Variants in MTMR3 observed in about 807,000 individuals in gnomAD.
The protein encoded by MTMR3 is phosphatidylinositol-3,5-bisphosphate 3-phosphatase MTMR3.
Under a neutral mutation model 132.4 loss-of-function variants are expected in MTMR3, and 32 were observed. The ratio of observed to expected loss-of-function variants is 0.24; its 90% CI spans 0.18 to 0.32. The LOEUF (loss-of-function observed/expected upper bound fraction) is 0.32, where lower values mean the gene tolerates loss of function less well. Among genes scored for constraint, MTMR3 ranks in the 10% least tolerant of loss-of-function variants. MTMR3 has a pLI of 1.00. For missense variants in MTMR3, 1,216 were observed against 1,489.6 expected (o/e 0.82, Z 3.02); for synonymous variants, 556 against 550.3 (o/e 1.01, Z -0.14).
intron 1 of MTMR3, among the ~76,000 whole-genome samples, chr22:29,885,821 T>C (rs1324201724): frequency 6.6e-6 from 1 of 152,236 alleles, no homozygotes; most frequent in Admixed American, 6.5e-5. Context: ...GTTCACACCT[T>C]CTTCAGTAAA....
chr22:29,957,419 T>G (rs1300034243), intron 2 of MTMR3, among the ~76,000 whole-genome samples: 5 of 10,706 alleles, frequency 4.7e-4, no homozygotes, highest in Admixed American at 8.1e-4. Context: ...CCAGTTGTAT[T>G]TATTTATTTA....
At chr22:29,959,598 C>T (rs755531129) in intron 2 of MTMR3, among the ~76,000 whole-genome samples, 11 of 151,884 alleles carry the variant, frequency 7.2e-5, no homozygotes, top group Middle Eastern at 3.2e-3. Context: ...AGGCTGGTCT[C>T]GAACTCCTGA....
intron 1 of MTMR3, among the ~76,000 whole-genome samples, chr22:29,953,077 A>T (rs150781534): frequency 6.6e-6 from 1 of 152,166 alleles, no homozygotes; most frequent in Non-Finnish European, 1.5e-5. Context: ...ATGCATGTGT[A>T]AAAAAATCTA....
chr22:29,967,194 TGTG>T (rs1349491957), intron 2 of MTMR3, among the ~76,000 whole-genome samples: 3 of 1,838 alleles, frequency 1.6e-3, no homozygotes, highest in Admixed American at 8.8e-3. Context: ...TCACCTCTGT[TGTG>T]TGTGTGTGTG....
At chr22:29,929,003 G>C (rs1041827903) in intron 1 of MTMR3, among the ~76,000 whole-genome samples, 30 of 152,042 alleles carry the variant, frequency 2.0e-4, no homozygotes, top group African/African-American at 7.2e-4. Flanking sequence ...CTTTTGGCTG[G>C]GCATGGTGGC....
At chr22:29,933,060 C>T (rs746757516) in intron 1 of MTMR3, among the ~76,000 whole-genome samples, 3 of 152,158 alleles carry the variant, frequency 2.0e-5, no homozygotes, top group African/African-American at 4.8e-5. Context: ...CCTCTGCCTC[C>T]TGGGTTCAAG....
intron 1 of MTMR3, among the ~76,000 whole-genome samples, chr22:29,908,291 T>A (rs541143317): frequency 6.6e-6 from 1 of 152,352 alleles, no homozygotes; most frequent in East Asian, 1.9e-4. Flanking sequence ...ATACATAGTT[T>A]AGTAGTAAGC....
chr22:29,903,187 T>G lies in MTMR3; in HGVS notation c.-138+19828T>G, dbSNP rs529703005. 7.9e-5 allele frequency among the ~76,000 whole-genome samples: 12 copies of G among 152,226 alleles called. No individual in the cohort carries two copies. The East Asian group carries it at 2.1e-3, about 27-fold the overall frequency. The stretch of plus-strand genomic sequence containing the variant: ...CTGTAGTGAGCCAAGATTGTGCCAG[T>G]CCACTCCAGCTTGGGTGACAGAATG... On this transcript the variant is annotated intron_variant, in intron 1 of 19. Transcript: ENST00000401950.
intron 1 of MTMR3, among the ~76,000 whole-genome samples, chr22:29,913,239 C>T (rs184155424): frequency 6.6e-6 from 1 of 152,214 alleles, no homozygotes; most frequent in African/African-American, 2.4e-5. Context: ...CAGCGAGACT[C>T]CCATCTCAAA....
At chr22:29,972,743 G>A (rs1426336459) in intron 3 of MTMR3, among the ~76,000 whole-genome samples, 1 of 152,112 alleles carries the variant, frequency 6.6e-6, no homozygotes, top group East Asian at 1.9e-4. Context: ...GCTAATTTTT[G>A]TATTTTCAGT....
At chr22:30,006,737 T>C (rs1219797055) in intron 9 of MTMR3, 1 of 180,966 alleles carries the variant, frequency 5.5e-6, no homozygotes, top group African/African-American at 2.4e-5. Flanking sequence ...TGTAAAAACT[T>C]TTTTGTAAAG....
intron 2 of MTMR3, among the ~76,000 whole-genome samples, chr22:29,968,094 C>T (rs1230115446): frequency 6.6e-6 from 1 of 152,120 alleles, no homozygotes; most frequent in South Asian, 2.1e-4. Flanking sequence ...TGTCAGTTCT[C>T]TTAGGTATAT....
At chr22:29,954,046 C>T (rs376360997) in intron 1 of MTMR3, among the ~76,000 whole-genome samples, 24 of 91,342 alleles carry the variant, frequency 2.6e-4, no homozygotes, top group Admixed American at 5.3e-4. Flanking sequence ...CTTTTTTTTT[C>T]TTTCAAATGA....
intron 9 of MTMR3, chr22:30,004,271 TCAGCTCAG>T (rs2067231634): frequency 6.6e-6 from 1 of 152,206 alleles, no homozygotes; most frequent in African/African-American, 2.4e-5. Flanking sequence ...TTATCAATGA[TCAGCTCAG>T]CTGGAATGGG....
intron 13 of MTMR3, 87 bp downstream of exon 13, chr22:30,012,650 T>G: frequency 7.3e-7 from 1 of 1,363,734 alleles, no homozygotes; most frequent in Non-Finnish European, 9.9e-7. Context: ...GGAGTGGTGA[T>G]TCGGTTAAAG....
At chr22:29,925,990 T>G (rs1475675522) in intron 1 of MTMR3, among the ~76,000 whole-genome samples, 1 of 152,208 alleles carries the variant, frequency 6.6e-6, no homozygotes, top group African/African-American at 2.4e-5. Context: ...TGGTCATAAC[T>G]GCTATTTAAT....
At chr22:29,961,368 G>A (rs532727001) in intron 2 of MTMR3, among the ~76,000 whole-genome samples, 1 of 152,048 alleles carries the variant, frequency 6.6e-6, no homozygotes, top group African/African-American at 2.4e-5. Flanking sequence ...ATACATTGGG[G>A]TATAATGGAA....
At chr22:29,912,983 C>T (rs527499907) in intron 1 of MTMR3, among the ~76,000 whole-genome samples, 7 of 152,268 alleles carry the variant, frequency 4.6e-5, no homozygotes, top group African/African-American at 1.2e-4. Flanking sequence ...TGGCTTACAC[C>T]TGTAATCCCA....
Position 29,941,546 on chromosome 22 carries a change from C to T in MTMR3, c.-137-15490C>T, listed in dbSNP as rs982109171. ...GAGCCGTGTATGAATTCCAGTTACT[C>T]GATGTCCTCACCAACATTTGCTCTT... On this transcript the variant is annotated intron_variant, in intron 1 of 19. Transcript: ENST00000401950. Among the ~76,000 whole-genome samples the T allele has an allele frequency of 9.2e-5, 14 of 151,900 alleles. 1 individual carries two copies. The South Asian group carries it at 1.3e-3, about 14-fold the overall frequency.
Sources: allele counts gnomAD v4.1 joint callset (sites outside exome capture counted in the v4.1 genomes callset), GRCh38; gene constraint gnomAD v4.1.1; transcripts MANE v1.5; gene names NCBI Gene and HGNC (gene_info 2026-07-23, HGNC 2026-07-21).